The following CCDC73 variants were observed in gnomAD, a reference collection of about 807,000 sequenced individuals.
CCDC73 encodes the protein coiled-coil domain containing 73, also known as coiled-coil domain-containing protein 73.
A neutral mutation model predicts 116.5 loss-of-function variants in CCDC73; 95 were observed. That is an observed-to-expected ratio of 0.82 (90% CI 0.69 to 0.97). The LOEUF is 0.97. Ranked by LOEUF, CCDC73 falls within the 50% of genes least tolerant of loss-of-function variation. The pLI is 0.00. For missense variants in CCDC73, 1,066 were observed against 1,206.8 expected, an observed-to-expected ratio of 0.88 and a Z score of 1.73; for synonymous variants, 398 against 401.3, an observed-to-expected ratio of 0.99 and a Z score of 0.10.
chr11:32,675,995 C>T lies in CCDC73; in HGVS notation c.456G>A (p.Leu152=). 1 of 1,603,984 alleles carries T rather than the reference C, an allele frequency of 6.2e-7. No homozygotes were observed. ...EMEQKVQLHL[L]AKEDYHKQLS... is the part of the protein sequence containing the mutation. ...GTTGCTTATGATAGTCTTCTTTAGC[C>T]AGAAGATGTAACTGGACCTTTTGTT... Residue 152 remains leucine (L), a synonymous_variant, in exon 8 of 18, where the codon CTG becomes CTA. Coordinates refer to ENST00000335185, the MANE Select transcript of CCDC73 (RefSeq NM_001008391.4).
chr11:32,825,842 G>A, the CCDC73 span, among the ~76,000 whole-genome samples: 1 of 152,180 alleles, frequency 6.6e-6, no homozygotes, highest in African/African-American at 2.4e-5. Flanking sequence ...TACAATAGGT[G>A]TAAAAATGCC....
rs144172990 is a variant in CCDC73, at chr11:32,764,556, G to C, written c.-15-4298C>G. On this transcript the variant is annotated intron_variant, in intron 1 of 17. Transcript: ENST00000335185. Reference sequence around the variant, plus strand: ...AGAAATAAAATACTTTACAGACAAGGAAATGCTGAGAGATTTTGTCACCAC... The same window carrying C: ...AGAAATAAAATACTTTACAGACAAGCAAATGCTGAGAGATTTTGTCACCAC... Among the ~76,000 whole-genome samples, 623 of 152,218 alleles carry C rather than the reference G, an allele frequency of 4.1e-3. 7 individuals are homozygous for C. The highest frequency in any genetic ancestry group is 0.013 in the African/African-American group (553 of 41,526).
chr11:32,809,449 A>G, the CCDC73 span, among the ~76,000 whole-genome samples: 2 of 152,246 alleles, frequency 1.3e-5, no homozygotes, highest in African/African-American at 4.8e-5. Context: ...ACTGGACTGT[A>G]GACTTGCTGT....
chr11:32,625,292 A>T (rs1260779878), intron 14 of CCDC73, among the ~76,000 whole-genome samples: 1 of 152,154 alleles, frequency 6.6e-6, no homozygotes, highest in Non-Finnish European at 1.5e-5. Flanking sequence ...TAAGGTTAAT[A>T]TTGTCATGTG....
the CCDC73 span, among the ~76,000 whole-genome samples, chr11:32,820,974 A>T: frequency 6.6e-6 from 1 of 152,080 alleles, no homozygotes; most frequent in African/African-American, 2.4e-5. Context: ...TCTACCCTTT[A>T]TCTGTCATAT....
At chr11:32,643,212 A>G (rs1855748768) in intron 12 of CCDC73, among the ~76,000 whole-genome samples, 3 of 152,072 alleles carry the variant, frequency 2.0e-5, no homozygotes, top group Admixed American at 2.0e-4. Flanking sequence ...CATATCTAAT[A>G]CGAATTTTAC....
intron 3 of CCDC73, among the ~76,000 whole-genome samples, chr11:32,703,425 T>G (rs1849829654): frequency 6.6e-6 from 1 of 151,922 alleles, no homozygotes; most frequent in Non-Finnish European, 1.5e-5. Flanking sequence ...AATCATCATA[T>G]AAAAATTTTT....
rs57651469 is a variant in CCDC73 at position 32,759,184 on chromosome 11, GGTT to G, written c.135+922_135+924del. ...TATATCCTTATTGCAATAGTTTTAT[GGTT>G]TTTTTTCTCTCGAGAATCTTCCAAG... On this transcript the variant is annotated intron_variant, in intron 2 of 17. Transcript: ENST00000335185. 4.2e-3 allele frequency among the ~76,000 whole-genome samples: 637 copies of G among 151,234 alleles called. 6 individuals carry two copies. Among genetic ancestry groups the G allele is most frequent in the African/African-American group, 0.015 (607 of 41,112 alleles).
At chr11:32,656,720 T>C (rs1054039095) in intron 9 of CCDC73, among the ~76,000 whole-genome samples, 2 of 152,184 alleles carry the variant, frequency 1.3e-5, no homozygotes, top group Non-Finnish European at 2.9e-5. Context: ...CCCTTGTTTG[T>C]AATCATTTTT....
intron 1 of CCDC73, among the ~76,000 whole-genome samples, chr11:32,787,476 T>C (rs532824038): frequency 2.2e-4 from 33 of 152,170 alleles, no homozygotes; most frequent in Non-Finnish European, 4.6e-4. Flanking sequence ...AAATTTTCGA[T>C]TTTTCAGTAA....
the CCDC73 span, among the ~76,000 whole-genome samples, chr11:32,828,635 G>A: frequency 0.025 from 3,809 of 152,130 alleles, 153 homozygotes; most frequent in African/African-American, 0.085. Flanking sequence ...TTTGGATAAA[G>A]AAGGATGTGA....
At chr11:32,646,015 GA>G (rs1470772004) in intron 12 of CCDC73, among the ~76,000 whole-genome samples, 2 of 152,080 alleles carry the variant, frequency 1.3e-5, no homozygotes, top group Non-Finnish European at 2.9e-5. Context: ...CTGTATTTTA[GA>G]AGATAAACAA....
chr11:32,793,754 G>A (rs894632358), intron 1 of CCDC73, among the ~76,000 whole-genome samples: 1 of 151,974 alleles, frequency 6.6e-6, no homozygotes, highest in Admixed American at 6.6e-5. Context: ...GGGACTACAG[G>A]TGCCCGCCAC....
At chr11:32,810,599 G>A in the CCDC73 span, among the ~76,000 whole-genome samples, 4,091 of 150,886 alleles carry the variant, frequency 0.027, 70 homozygotes, top group South Asian at 0.037. Context: ...TAGTTTCTAT[G>A]CCCTGAGGAG....
chr11:32,706,310 A>G (rs929276863), intron 3 of CCDC73, among the ~76,000 whole-genome samples: 11 of 152,222 alleles, frequency 7.2e-5, no homozygotes, highest in African/African-American at 2.7e-4. Context: ...AGCCTTAAAT[A>G]CAGAACCAGG....
chr11:32,735,998 C>T (rs9734802), intron 2 of CCDC73, among the ~76,000 whole-genome samples: 80,014 of 151,838 alleles, frequency 0.53, 21,653 homozygotes, highest in East Asian at 0.84. Flanking sequence ...ACACTTTATA[C>T]AAAAATTAAT....
At chr11:32,797,968 T>C (rs570169540), upstream of CCDC73, among the ~76,000 whole-genome samples, 1 of 152,356 alleles carries the variant, frequency 6.6e-6, no homozygotes, top group East Asian at 1.9e-4. Flanking sequence ...ACACTGGACT[T>C]CACATGACAG....
intron 9 of CCDC73, among the ~76,000 whole-genome samples, chr11:32,667,450 C>T (rs6484587): frequency 0.58 from 88,382 of 152,062 alleles, 26,025 homozygotes; most frequent in East Asian, 0.84. Flanking sequence ...GTGGGTGTGG[C>T]ACCGTCCAAG....
At chr11:32,780,539 T>C (rs900181379) in intron 1 of CCDC73, among the ~76,000 whole-genome samples, 7 of 152,166 alleles carry the variant, frequency 4.6e-5, no homozygotes, top group Non-Finnish European at 8.8e-5. Context: ...GAAAAAGTTT[T>C]ATGTTAACGG....
Sources: gnomAD v4.1 joint callset for allele counts (sites outside exome capture counted in the v4.1 genomes callset) on GRCh38, gnomAD v4.1.1 for gene constraint, MANE v1.5 for transcripts, NCBI Gene and HGNC (gene_info 2026-07-23, HGNC 2026-07-21) for gene names.